Variants in PPFIA1 observed in about 807,000 individuals in gnomAD.
The protein encoded by PPFIA1 is PPFI scaffold protein A1, also known as liprin-alpha-1.
PPFIA1 carries 25 observed loss-of-function variants against 149.9 expected under a neutral mutation model. The observed-to-expected ratio is 0.17, with a 90% CI of 0.12 to 0.23. PPFIA1 has a LOEUF of 0.23. Ranked by LOEUF, PPFIA1 falls within the 10% of genes least tolerant of loss-of-function variation. The pLI is 1.00. For missense variants in PPFIA1, 1,362 were observed against 1,506.5 expected (o/e 0.90, Z 1.59); for synonymous variants, 549 against 552.8 (o/e 0.99, Z 0.10).
chr11:70,319,734 C>T (rs2053827672), intron 2 of PPFIA1, among the ~76,000 whole-genome samples: 1 of 152,196 alleles, frequency 6.6e-6, no homozygotes, highest in Admixed American at 6.5e-5. Flanking sequence ...TGCTGTTGTT[C>T]TCTGAATGGC....
intron 2 of PPFIA1, among the ~76,000 whole-genome samples, chr11:70,302,805 C>T (rs1320680137): frequency 6.8e-6 from 1 of 147,696 alleles, no homozygotes; most frequent in Non-Finnish European, 1.5e-5. Context: ...CATGTGATCC[C>T]AGTATGTTGC....
chr11:70,280,727 C>T (rs2050712900), intron 2 of PPFIA1, among the ~76,000 whole-genome samples: 1 of 152,088 alleles, frequency 6.6e-6, no homozygotes, highest in Admixed American at 6.6e-5. Flanking sequence ...GCCACTGTGC[C>T]CAGCTAATTT....
At position 70,348,833 on chromosome 11, in the gene PPFIA1, T is replaced by A. The variant is rs2137232438; in HGVS notation, c.2163+413T>A. 1.3e-5 allele frequency among the ~76,000 whole-genome samples: 2 copies of A among 152,230 alleles called. 1 individual carries two copies. Among genetic ancestry groups the A allele is most frequent in the South Asian group, 4.1e-4 (2 of 4,826 alleles). On this transcript the variant is annotated intron_variant, in intron 16 of 27. Coordinates refer to ENST00000253925, the MANE Select transcript of PPFIA1 (RefSeq NM_003626.5). ...CTACAGTGAGCCATGATTGCATCAC[T>A]GCCCTCCAGCCTGGGCAGCAGAGTG...
intron 2 of PPFIA1, among the ~76,000 whole-genome samples, chr11:70,317,009 G>A (rs1435580995): frequency 6.6e-6 from 1 of 152,070 alleles, no homozygotes; most frequent in Non-Finnish European, 1.5e-5. Context: ...ATACATATTT[G>A]CATTCTTCAG....
At position 70,285,859 on chromosome 11, in the gene PPFIA1, G is replaced by A. The variant is rs544674035; in HGVS notation, c.264+13423G>A. Among the ~76,000 whole-genome samples, 5 of 152,190 alleles carry A rather than the reference G, an allele frequency of 3.3e-5. No individual in the cohort carries two copies. The South Asian group carries it at 1.0e-3, about 32-fold the overall frequency. ...TGAGTGTCTGTATGTGGCATGCACCGTTCTAGGTGCTGAATATTCCATAGG... is the reference window on the plus strand; with the variant it reads ...TGAGTGTCTGTATGTGGCATGCACCATTCTAGGTGCTGAATATTCCATAGG... On this transcript the variant is annotated intron_variant, in intron 2 of 27. Transcript: ENST00000253925.
chr11:70,370,164 T>C (rs888562703), intron 21 of PPFIA1, among the ~76,000 whole-genome samples: 1 of 152,034 alleles, frequency 6.6e-6, no homozygotes, highest in African/African-American at 2.4e-5. Context: ...TTGGCCAGGC[T>C]GGTCCCCTCT....
In PPFIA1 at chr11:70,304,697, C is replaced by G. The variant is rs193264996; in HGVS notation, c.265-19705C>G. ...CCTTACCCTGTGGGATTGATACACT[C>G]TCCAGCTGGACAGTGCAGAATTGCA... On this transcript the variant is annotated intron_variant, in intron 2 of 27. Transcript: ENST00000253925. Among the ~76,000 whole-genome samples the G allele has an allele frequency of 2.6e-3, 391 of 152,262 alleles. 2 individuals carry two copies. The highest frequency in any genetic ancestry group is 3.8e-3 in the Admixed American group (58 of 15,290).
chr11:70,381,746 G>T (rs2057723082), intron 26 of PPFIA1, among the ~76,000 whole-genome samples: 2 of 152,228 alleles, frequency 1.3e-5, no homozygotes, highest in African/African-American at 4.8e-5. Context: ...AGCCCCATTG[G>T]TCTATGAATG....
intron 1 of PPFIA1, 60 bp from the exon 2 acceptor site, chr11:70,272,113 A>G (rs1565323606): frequency 5.9e-6 from 9 of 1,538,436 alleles, no homozygotes; most frequent in Non-Finnish European, 8.0e-6. Context: ...GTAAAGTTGC[A>G]TATTTGTGGG....
chr11:70,304,219 G>C (rs1248648004), intron 2 of PPFIA1, among the ~76,000 whole-genome samples: 1 of 152,134 alleles, frequency 6.6e-6, no homozygotes, highest in Non-Finnish European at 1.5e-5. Context: ...TGAACATGTA[G>C]CAGTTTCTGG....
rs552377365 is a variant in PPFIA1, at chr11:70,348,401, G to A, written c.2144G>A (p.Arg715Lys). 6.2e-7 allele frequency: 1 copy of A among 1,611,566 alleles called. No homozygotes were observed. Among genetic ancestry groups the A allele is most frequent in the Admixed American group, 1.7e-5 (1 of 60,016 alleles). The change falls in exon 16 of 28, where the codon AGA (arginine) becomes AAA (lysine). Residue 715 changes from arginine (R) to lysine (K), a missense_variant. Around this residue, in one of 7 missense-constraint regions of PPFIA1, gnomAD observed 733 missense variants for 744.1 expected, o/e 0.99. Coordinates refer to ENST00000253925, the MANE Select transcript of PPFIA1 (RefSeq NM_003626.5). ...CACAGCCCAGCTCGGGAAGTGGACA[G>A]ACTGGGCGTCATGACCCTTGTACGT... is the stretch of plus-strand genomic sequence containing the variant. Reference protein sequence around the residue: ...IPHSPAREVDRLGVMTLLPPS... With the variant: ...IPHSPAREVDKLGVMTLLPPS...
chr11:70,332,266 A>G (rs946135535), intron 9 of PPFIA1, among the ~76,000 whole-genome samples, 172 bp downstream of exon 9: 5 of 152,204 alleles, frequency 3.3e-5, no homozygotes, highest in Non-Finnish European at 7.3e-5. Context: ...AATGCCAGAC[A>G]TGATCCTTTT....
chr11:70,295,402 C>T (rs1221747500), intron 2 of PPFIA1, among the ~76,000 whole-genome samples: 15 of 145,244 alleles, frequency 1.0e-4, no homozygotes, highest in Admixed American at 3.4e-4. Context: ...ATCTCCCTCC[C>T]GGATGAGGTG....
At chr11:70,314,261 G>A (rs1237746220) in intron 2 of PPFIA1, among the ~76,000 whole-genome samples, 3 of 152,286 alleles carry the variant, frequency 2.0e-5, no homozygotes, top group Admixed American at 1.3e-4. Context: ...GGGTTTAGCA[G>A]AGGAGAGGTG....
intron 8 of PPFIA1, among the ~76,000 whole-genome samples, chr11:70,331,210 G>C (rs1591243090): frequency 6.6e-6 from 1 of 151,574 alleles, no homozygotes. Context: ...ACTCCAGCCT[G>C]GGTGACACAG....
intron 2 of PPFIA1, among the ~76,000 whole-genome samples, chr11:70,292,559 C>A (rs2051608378): frequency 6.6e-6 from 1 of 152,146 alleles, no homozygotes; most frequent in Non-Finnish European, 1.5e-5. Flanking sequence ...TTAGCAAATT[C>A]GTATTGTCTA....
rs1305121591 is a variant in PPFIA1, at chr11:70,372,102, A to G, written c.2866-113A>G. The G allele has an allele frequency of 6.6e-6, 6 of 903,826 alleles. No individual in the cohort carries two copies. In the African/African-American group the frequency reaches 6.7e-5, roughly 10 times the overall value. 56.0% of individuals were successfully genotyped at this position (903,826 alleles called of 1,614,324 possible). On this transcript the variant is annotated intron_variant, in intron 21 of 27. Transcript: ENST00000253925. ...ATTATTTTGCAATTATAAAATTATC[A>G]TTAGTTTAGCCTTTGAGAATATAGG...
chr11:70,295,011 G>C lies in PPFIA1; in HGVS notation c.264+22575G>C, dbSNP rs573193080. Among the ~76,000 whole-genome samples the C allele has an allele frequency of 6.0e-3, 910 of 152,248 alleles. 10 individuals carry two copies. The highest frequency in any genetic ancestry group is 0.02 in the African/African-American group (822 of 41,526). On this transcript the variant is annotated intron_variant, in intron 2 of 27. Transcript: ENST00000253925. ...CTCAATCTTTTCCCCGCCTTTCCCC[G>C]CTTTCTATTCCACAAAACCGCCATT...
intron 2 of PPFIA1, among the ~76,000 whole-genome samples, chr11:70,297,459 A>G (rs1433452101): frequency 2.6e-5 from 4 of 152,210 alleles, no homozygotes; most frequent in Non-Finnish European, 4.4e-5. Flanking sequence ...ATGGAAACAT[A>G]TGGTGTCCAC....
Sources: allele counts gnomAD v4.1 joint callset (sites outside exome capture counted in the v4.1 genomes callset), GRCh38; gene constraint gnomAD v4.1.1; regional missense constraint gnomAD v4.1.1; transcripts MANE v1.5; gene names NCBI Gene and HGNC (gene_info 2026-07-23, HGNC 2026-07-21).